UIMC1: variants seen among roughly 807,000 people sequenced by gnomAD.
UIMC1 encodes the protein ubiquitin interaction motif containing 1, also known as BRCA1-A complex subunit RAP80.
Under a neutral mutation model 84.9 loss-of-function variants are expected in UIMC1, and 42 were observed. The observed-to-expected ratio is 0.49, with a 90% CI of 0.39 to 0.64. The LOEUF (loss-of-function observed/expected upper bound fraction) is 0.64, where lower values mean the gene tolerates loss of function less well. Ranked by LOEUF, UIMC1 falls within the 30% of genes least tolerant of loss-of-function variation. The pLI, the probability that UIMC1 is intolerant of heterozygous loss-of-function variation, is 0.00. For missense variants in UIMC1, 825 were observed against 847.6 expected (o/e 0.97, Z 0.33); for synonymous variants, 281 against 293.0 (o/e 0.96, Z 0.42).
At chr5:176,971,504 C>T (rs538124973) in intron 3 of UIMC1, among the ~76,000 whole-genome samples, 57 of 152,278 alleles carry the variant, frequency 3.7e-4, no homozygotes, top group African/African-American at 1.2e-3. Flanking sequence ...AGAGTCATAT[C>T]GAAAGAACTT....
chr5:176,943,209 A>T (rs1207426399), intron 10 of UIMC1, 126 bp downstream of exon 10: 1 of 1,253,834 alleles, frequency 8.0e-7, no homozygotes, highest in Non-Finnish European at 1.1e-6. Context: ...AGATAGAAAA[A>T]ACCCAAGACC....
intron 9 of UIMC1, among the ~76,000 whole-genome samples, chr5:176,945,237 C>T (rs1458602699): frequency 6.6e-6 from 1 of 152,112 alleles, no homozygotes; most frequent in Non-Finnish European, 1.5e-5. Flanking sequence ...CTATGTTTTC[C>T]AAATTTAATC....
At chr5:176,908,425 G>GCTCC in intron 12 of UIMC1, 98 bp downstream of exon 12, 2 of 1,200,564 alleles carry the variant, frequency 1.7e-6, no homozygotes, top group Non-Finnish European at 2.2e-6. Context: ...GAGGGAAGAG[G>GCTCC]GGAGGGAGAA....
intron 10 of UIMC1, among the ~76,000 whole-genome samples, chr5:176,924,432 A>G (rs1328991608): frequency 1.3e-5 from 2 of 152,196 alleles, no homozygotes; most frequent in Non-Finnish European, 2.9e-5. Flanking sequence ...ACTATAATCA[A>G]GACACTTGTA....
At position 176,976,772 on chromosome 5, in the gene UIMC1, T is replaced by C. The variant is rs540460329; in HGVS notation, c.148-1292A>G. Reference sequence around the variant, plus strand: ...TCAGTGGTTGTCAAGGGCTAGGGGTTTGGGGGAAAATGGAGAGTAACTGCT... The same window carrying C: ...TCAGTGGTTGTCAAGGGCTAGGGGTCTGGGGGAAAATGGAGAGTAACTGCT... On this transcript the variant is annotated intron_variant, in intron 2 of 14. Transcript: ENST00000511320. 2.6e-5 allele frequency among the ~76,000 whole-genome samples: 4 copies of C among 152,300 alleles called. No homozygotes were observed. The South Asian group carries it at 8.3e-4, about 32-fold the overall frequency.
chr5:176,981,744 C>T (rs1771087268), intron 2 of UIMC1, among the ~76,000 whole-genome samples: 1 of 151,826 alleles, frequency 6.6e-6, no homozygotes, highest in African/African-American at 2.4e-5. Flanking sequence ...GCTGAGCTAA[C>T]ACCACTGCAC....
chr5:176,999,383 CCCT>C lies in UIMC1; in HGVS notation c.-9+7264_-9+7266del, dbSNP rs1485330364. 3.3e-5 allele frequency among the ~76,000 whole-genome samples: 5 copies of C among 152,146 alleles called. No individual in the cohort carries two copies. In the East Asian group the frequency reaches 5.8e-4, roughly 18 times the overall value. On this transcript the variant is annotated intron_variant, in intron 1 of 14. Transcript: ENST00000511320. ...GATCATACAAAATAAGGTATCCATC[CCCT>C]CAAGCATTTATCCTTGTGTTACAAA...
At chr5:176,944,274 C>T (rs1764813331) in intron 9 of UIMC1, among the ~76,000 whole-genome samples, 2 of 152,220 alleles carry the variant, frequency 1.3e-5, no homozygotes, top group Admixed American at 6.5e-5. Context: ...CCAAATAATT[C>T]ATTAGTTAAA....
At chr5:176,923,627 G>C (rs1761981469) in intron 10 of UIMC1, among the ~76,000 whole-genome samples, 1 of 151,676 alleles carries the variant, frequency 6.6e-6, no homozygotes, top group Admixed American at 6.6e-5. Context: ...ACTTTGGGAG[G>C]CTGAGGCGGA....
At chr5:176,936,191 T>C (rs1453578660) in intron 10 of UIMC1, among the ~76,000 whole-genome samples, 1 of 152,238 alleles carries the variant, frequency 6.6e-6, no homozygotes, top group Non-Finnish European at 1.5e-5. Context: ...AGCCACCATT[T>C]ATTGCATACC....
chr5:176,968,603 C>A lies in UIMC1; in HGVS notation c.1152G>T (p.Leu384Phe). Reference sequence around the variant, plus strand: ...CTTCCTCCAACAAAAGTTTCTCTTTCAAGCTTTTAATTGAGCTTTCCTGGA... The same window carrying A: ...CTTCCTCCAACAAAAGTTTCTCTTTAAAGCTTTTAATTGAGCTTTCCTGGA... ...KDFQESSIKSLKEKLLLEEEP... is the reference protein window; with the variant it reads ...KDFQESSIKSFKEKLLLEEEP... The change falls in exon 6 of 15, where the codon TTG (leucine) becomes TTT (phenylalanine). Residue 384 changes from leucine (L) to phenylalanine (F), a missense_variant. Transcript: ENST00000511320. 1.9e-6 allele frequency: 3 copies of A among 1,613,340 alleles called. No individual in the cohort carries two copies. Among genetic ancestry groups the A allele is most frequent in the Non-Finnish European group, 2.5e-6 (3 of 1,179,770 alleles).
At chr5:176,926,396 G>C (rs1388042513) in intron 10 of UIMC1, among the ~76,000 whole-genome samples, 1 of 152,064 alleles carries the variant, frequency 6.6e-6, no homozygotes, top group Non-Finnish European at 1.5e-5. Context: ...CACTTGGGGA[G>C]GCCAAGAGAG....
intron 10 of UIMC1, among the ~76,000 whole-genome samples, chr5:176,928,940 AACT>A (rs1327345182): frequency 2.0e-5 from 3 of 150,494 alleles, no homozygotes; most frequent in Non-Finnish European, 4.4e-5. Context: ...AACAGAGTGA[AACT>A]ACGTCTTTTA....
chr5:177,007,340 CAAAAAAAAAAAA>C (rs56871601), upstream of UIMC1, among the ~76,000 whole-genome samples: 2 of 58,416 alleles, frequency 3.4e-5, no homozygotes, highest in African/African-American at 5.1e-5. Flanking sequence ...GACTCCGTCT[CAAAAAAAAAAAA>C]AAAAAAAAAG....
chr5:176,913,766 C>G (rs1324790287), intron 10 of UIMC1, among the ~76,000 whole-genome samples: 3 of 152,206 alleles, frequency 2.0e-5, no homozygotes, highest in Non-Finnish European at 4.4e-5. Flanking sequence ...CACTTGAGAC[C>G]AGGAGTTCGA....
At chr5:176,957,296 C>T (rs1042344603) in intron 7 of UIMC1, among the ~76,000 whole-genome samples, 1 of 152,126 alleles carries the variant, frequency 6.6e-6, no homozygotes, top group Non-Finnish European at 1.5e-5. Context: ...GGCTTCAACT[C>T]TCATATGGGA....
At chr5:176,967,503 G>A (rs1290621136) in intron 6 of UIMC1, among the ~76,000 whole-genome samples, 1 of 152,096 alleles carries the variant, frequency 6.6e-6, no homozygotes, top group Non-Finnish European at 1.5e-5. Flanking sequence ...GGAACTGGCT[G>A]GCTAGGTGAT....
intron 10 of UIMC1, among the ~76,000 whole-genome samples, chr5:176,925,067 T>C (rs906429838): frequency 2.0e-5 from 3 of 147,068 alleles, no homozygotes; most frequent in Non-Finnish European, 3.0e-5. Context: ...AGAAAATGAA[T>C]AGGCAAGTAC....
rs536933791 is a variant in UIMC1, at chr5:176,975,548, C to T, written c.148-68G>A. On this transcript the variant is annotated intron_variant, in intron 2 of 14. Coordinates refer to ENST00000511320, the MANE Select transcript of UIMC1 (RefSeq NM_001199298.2). Reference sequence around the variant, plus strand: ...AAGTAGTGATTTCTCTCTCTTCTACCTCCCCTATGGCTAAGAGAGGCCTCT... The same window carrying T: ...AAGTAGTGATTTCTCTCTCTTCTACTTCCCCTATGGCTAAGAGAGGCCTCT... 4.0e-6 allele frequency: 6 copies of T among 1,507,034 alleles called. No individual in the cohort carries two copies. In the East Asian group the frequency reaches 1.1e-4, roughly 28 times the overall value. The allele number at this position is 1,507,034 out of a possible 1,614,324, so 93.4% of individuals were successfully genotyped here. A position where few individuals can be genotyped will look rare whatever the true frequency, so the allele number is the denominator to read the frequency against.
Sources: gnomAD v4.1 joint callset for allele counts (sites outside exome capture counted in the v4.1 genomes callset) on GRCh38, gnomAD v4.1.1 for gene constraint, MANE v1.5 for transcripts, NCBI Gene and HGNC (gene_info 2026-07-23, HGNC 2026-07-21) for gene names.